MPP1: variants seen among roughly 807,000 people sequenced by gnomAD.
The protein encoded by MPP1 is 55 kDa erythrocyte membrane protein.
Under a neutral mutation model 38.2 loss-of-function variants are expected in MPP1, and 6 were observed. That is an observed-to-expected ratio of 0.16 (90% confidence interval 0.09 to 0.31). MPP1 has a LOEUF of 0.31. MPP1 is among the 10% of genes least tolerant of loss of function. The pLI is 1.00. For missense variants in MPP1, 293 were observed against 368.9 expected, an observed-to-expected ratio of 0.79 and a Z score of 1.69; for synonymous variants, 153 against 146.3, an observed-to-expected ratio of 1.05 and a Z score of -0.33.
At chrX:154,789,925 A>G (rs782716794) in intron 5 of MPP1, 29 bp downstream of exon 5, 10 of 1,118,871 alleles carry the variant, frequency 8.9e-6, no homozygotes, top group Non-Finnish European at 1.2e-5. Context: ...TCCTGCCATC[A>G]TGACAACAGA....
chrX:154,800,745 A>G (rs1275888006), intron 1 of MPP1, among the ~76,000 whole-genome samples: 3 of 112,437 alleles, frequency 2.7e-5, no homozygotes, highest in Admixed American at 1.9e-4. Flanking sequence ...AACTATAAGC[A>G]TGGACTTTGG....
intron 7 of MPP1, 128 bp from the exon 8 acceptor site, chrX:154,784,236 A>C (rs2072042540): frequency 1.9e-6 from 1 of 528,849 alleles, no homozygotes; most frequent in African/African-American, 2.4e-5. Context: ...AGATGAGACG[A>C]GGGAGGTTGG....
chrX:154,797,017 T>C (rs185211817), intron 1 of MPP1, among the ~76,000 whole-genome samples: 133 of 112,125 alleles, frequency 1.2e-3, no homozygotes, highest in African/African-American at 4.1e-3. Flanking sequence ...CACTGTACTC[T>C]AGCCTGGGCA....
At chrX:154,787,411 G>T (rs782071743) in intron 5 of MPP1, among the ~76,000 whole-genome samples, 11 of 111,231 alleles carry the variant, frequency 9.9e-5, no homozygotes, top group Non-Finnish European at 2.1e-4. Context: ...ATATAAGAAG[G>T]TTTACTACCT....
Position 154,784,126 on chromosome X carries a change from C to A in MPP1, c.785-18G>T. The A allele has an allele frequency of 1.7e-6, 2 of 1,176,733 alleles. No homozygotes were observed. Among genetic ancestry groups the A allele is most frequent in the South Asian group, 3.6e-5 (2 of 54,974 alleles). On this transcript the variant is annotated intron_variant, in intron 7 of 11. Transcript: ENST00000369534. The stretch of plus-strand genomic sequence containing the variant: ...ATCAAAAACTAGAGACAAAGAAAAC[C>A]AAGCAGTGTTCATTTCCAGAGCTAG...
intron 1 of MPP1, among the ~76,000 whole-genome samples, chrX:154,798,882 G>C (rs2072230175): frequency 9.0e-6 from 1 of 110,776 alleles, no homozygotes; most frequent in Admixed American, 9.6e-5. Context: ...TTACAGGCAT[G>C]CACCACCACG....
Position 154,783,497 on chromosome X carries a change from C to G in MPP1, c.876G>C (p.Gly292=). 2.5e-6 allele frequency: 3 copies of G among 1,205,544 alleles called. No homozygotes were observed. Among genetic ancestry groups the G allele is most frequent in the Non-Finnish European group, 3.4e-6 (3 of 891,233 alleles). ...RKTLVLIGAS[G]VGRSHIKNAL... ...CATTCTTAATGTGGCTGCGACCCAC[C>G]CCACTGGCTCCTGTGTAGAGAGAGA... Residue 292 remains glycine, a synonymous_variant, in exon 9 of 12, where the codon GGG becomes GGC. Transcript: ENST00000369534.
At chrX:154,791,695 T>C in intron 3 of MPP1, 74 bp downstream of exon 3, 1 of 955,265 alleles carries the variant, frequency 1.0e-6, no homozygotes, top group Non-Finnish European at 1.5e-6. Context: ...ATAAGCTTCA[T>C]GCCCCACACC....
At chrX:154,788,653 A>T in intron 5 of MPP1, among the ~76,000 whole-genome samples, 1 of 112,135 alleles carries the variant, frequency 8.9e-6, no homozygotes, top group Non-Finnish European at 1.9e-5. Context: ...TCTACTCTCA[A>T]AAGAAAGGCA....
At chrX:154,801,787 C>CAAAAAAA (rs782548268) in intron 1 of MPP1, among the ~76,000 whole-genome samples, 11 of 67,073 alleles carry the variant, frequency 1.6e-4, no homozygotes, top group African/African-American at 2.5e-4. Context: ...AAAAAAAAAA[C>CAAAAAAA]AAAAAACAGA....
Position 154,779,169 on chromosome X carries a change from C to T in MPP1, c.*8G>A, listed in dbSNP as rs782745725. Reference sequence around the variant, plus strand: ...GGGGCATACAGTGGGTTCCCCCATTCTACAAGCTTAGTAAACCCAGGAGAC... The same window carrying T: ...GGGGCATACAGTGGGTTCCCCCATTTTACAAGCTTAGTAAACCCAGGAGAC... On this transcript the variant is annotated 3_prime_UTR_variant, in exon 12 of 12. Coordinates refer to ENST00000369534, the MANE Select transcript of MPP1 (RefSeq NM_002436.4). The T allele has an allele frequency of 1.7e-6, 2 of 1,204,416 alleles. No homozygotes were observed. The highest frequency in any genetic ancestry group is 2.4e-4 in the Middle Eastern group (1 of 4,222).
intron 9 of MPP1, chrX:154,782,957 A>G (rs1223407915): frequency 8.9e-6 from 1 of 111,849 alleles, no homozygotes; most frequent in African/African-American, 3.3e-5. Context: ...CACTGGCGCT[A>G]CTCTTCTCCA....
intron 1 of MPP1, among the ~76,000 whole-genome samples, chrX:154,804,228 G>A (rs1208329851): frequency 8.9e-6 from 1 of 111,858 alleles, no homozygotes; most frequent in Non-Finnish European, 1.9e-5. Flanking sequence ...GGGACCTTCA[G>A]TTTTTTCATC....
At chrX:154,798,476 C>G (rs1297860315) in intron 1 of MPP1, among the ~76,000 whole-genome samples, 4 of 112,463 alleles carry the variant, frequency 3.6e-5, no homozygotes, top group African/African-American at 1.3e-4. Flanking sequence ...GGATCCAGCT[C>G]AAAGGCATTA....
chrX:154,779,104 T>G lies in MPP1; in HGVS notation c.*73A>C. ...CAAAACTAGTTGGAGCAGCCCTGTT[T>G]GTCTTAAAGCAAGGCGGGTGGAATT... is the stretch of plus-strand genomic sequence containing the variant. On this transcript the variant is annotated 3_prime_UTR_variant, in exon 12 of 12. Coordinates refer to ENST00000369534, the MANE Select transcript of MPP1 (RefSeq NM_002436.4). The G allele has an allele frequency of 6.7e-6, 7 of 1,042,192 alleles. No individual in the cohort carries two copies. The highest frequency in any genetic ancestry group is 6.5e-6 in the Non-Finnish European group (5 of 765,426). 85.9% of individuals were successfully genotyped at this position (1,042,192 alleles called of 1,213,427 possible).
At chrX:154,798,651 G>A (rs1557268351) in intron 1 of MPP1, among the ~76,000 whole-genome samples, 1 of 112,305 alleles carries the variant, frequency 8.9e-6, no homozygotes, top group Non-Finnish European at 1.9e-5. Context: ...ACTATAAAGC[G>A]ACAGCAGGAG....
intron 1 of MPP1, among the ~76,000 whole-genome samples, chrX:154,803,382 A>G (rs2072286719): frequency 8.9e-6 from 1 of 112,406 alleles, no homozygotes; most frequent in Non-Finnish European, 1.9e-5. Context: ...AAAACCAAAC[A>G]AATTAGCTAA....
intron 9 of MPP1, 46 bp from the exon 10 acceptor site, chrX:154,781,848 C>T (rs1557266695): frequency 1.8e-6 from 2 of 1,138,382 alleles, no homozygotes; most frequent in African/African-American, 3.6e-5. Context: ...GGTCCTCACC[C>T]TTTCATGAGG....
intron 7 of MPP1, 106 bp downstream of exon 7, chrX:154,784,945 C>T (rs782627213): frequency 2.9e-6 from 2 of 681,232 alleles, no homozygotes; most frequent in Admixed American, 2.5e-5. Flanking sequence ...GTAGAATGCG[C>T]CTTCTGCTGC....
Sources: allele counts gnomAD v4.1 joint callset (sites outside exome capture counted in the v4.1 genomes callset), GRCh38; gene constraint gnomAD v4.1.1; transcripts MANE v1.5; gene names NCBI Gene and HGNC (gene_info 2026-07-23, HGNC 2026-07-21).